Variants in NFIB observed in about 807,000 individuals in gnomAD.
NFIB encodes the protein nuclear factor I B, also known as nuclear factor 1 B-type.
NFIB carries 11 observed loss-of-function variants against 61.5 expected under a neutral mutation model. The ratio of observed to expected loss-of-function variants is 0.18; its 90% confidence interval spans 0.11 to 0.30. The LOEUF is 0.30. Ranked by LOEUF, NFIB falls within the 10% of genes least tolerant of loss-of-function variation. The pLI, the probability that NFIB is intolerant of heterozygous loss-of-function variation, is 1.00. For synonymous variants in NFIB, 260 were observed against 216.5 expected (o/e 1.20, Z -1.76); for missense variants, 471 against 608.9 (o/e 0.77, Z 2.38).
intron 1 of NFIB, among the ~76,000 whole-genome samples, chr9:14,341,357 C>T (rs1470924239): frequency 6.6e-6 from 1 of 152,182 alleles, no homozygotes; most frequent in African/African-American, 2.4e-5. Flanking sequence ...GGATGGACAG[C>T]TCTCTTTGTA....
chr9:14,327,187 A>G (rs1308343556), intron 1 of NFIB, among the ~76,000 whole-genome samples: 1 of 152,196 alleles, frequency 6.6e-6, no homozygotes, highest in Non-Finnish European at 1.5e-5. Context: ...AAAGCGCTAG[A>G]CAGTCTACTG....
chr9:14,392,606 T>C (rs2061637628), intron 1 of NFIB, among the ~76,000 whole-genome samples: 1 of 151,968 alleles, frequency 6.6e-6, no homozygotes, highest in Non-Finnish European at 1.5e-5. Flanking sequence ...TGCACACCTG[T>C]AGTCCCAGCT....
intron 1 of NFIB, among the ~76,000 whole-genome samples, chr9:14,308,325 A>AACACAC (rs71321976): frequency 3.0e-4 from 45 of 150,938 alleles, no homozygotes; most frequent in African/African-American, 9.7e-4. Flanking sequence ...GCCAGCTCCC[A>AACACAC]ACACACACAC....
At chr9:14,484,588 G>A in the NFIB span, among the ~76,000 whole-genome samples, 2 of 152,182 alleles carry the variant, frequency 1.3e-5, no homozygotes, top group Non-Finnish European at 2.9e-5. Flanking sequence ...ACATAGGTAT[G>A]TGTGAATTCA....
intron 1 of NFIB, among the ~76,000 whole-genome samples, chr9:14,390,159 C>T (rs1483092857): frequency 1.3e-5 from 2 of 152,060 alleles, no homozygotes; most frequent in Non-Finnish European, 2.9e-5. Flanking sequence ...CAGACTGATG[C>T]CCCCAAAGGA....
the NFIB span, among the ~76,000 whole-genome samples, chr9:14,413,300 T>A: frequency 6.6e-6 from 1 of 152,122 alleles, no homozygotes; most frequent in Non-Finnish European, 1.5e-5. Context: ...AACTTCTACT[T>A]ACTTTTTCTG....
chr9:14,398,693 AG>A, exon 1 of NFIB: 1 of 1,225,360 alleles, frequency 8.2e-7, no homozygotes, highest in Middle Eastern at 1.9e-4. Context: ...GCGCTGTTTT[AG>A]AATGTTTGCT....
chr9:14,135,919 A>C (rs938423652), intron 6 of NFIB, among the ~76,000 whole-genome samples: 7 of 152,180 alleles, frequency 4.6e-5, no homozygotes, highest in Non-Finnish European at 7.4e-5. Flanking sequence ...ATTCCTCAGT[A>C]AAGTAAAATC....
intron 10 of NFIB, among the ~76,000 whole-genome samples, chr9:14,106,244 A>C (rs1390795039): frequency 6.6e-6 from 1 of 152,048 alleles, no homozygotes; most frequent in Non-Finnish European, 1.5e-5. Flanking sequence ...AACAATATAG[A>C]CTCTCAAAAA....
intron 2 of NFIB, among the ~76,000 whole-genome samples, chr9:14,256,906 G>C (rs2056270841): frequency 6.6e-6 from 1 of 152,166 alleles, no homozygotes. Flanking sequence ...AGTTTGACCT[G>C]GCTTTGTCAC....
intron 2 of NFIB, among the ~76,000 whole-genome samples, chr9:14,305,515 T>C (rs767987447): frequency 3.9e-5 from 6 of 152,218 alleles, no homozygotes; most frequent in Non-Finnish European, 5.9e-5. Flanking sequence ...AAATATTATT[T>C]TCCCCAAACC....
intron 10 of NFIB, chr9:14,102,605 A>C: frequency 1.3e-6 from 1 of 793,426 alleles, no homozygotes; most frequent in Non-Finnish European, 1.8e-6. Context: ...TGTACATGGC[A>C]TTAACCTTAC....
intron 6 of NFIB, among the ~76,000 whole-genome samples, chr9:14,130,670 G>C (rs1160386974): frequency 6.6e-6 from 1 of 151,810 alleles, no homozygotes; most frequent in African/African-American, 2.4e-5. Context: ...TATGCTACTT[G>C]GGAAGAGAAT....
chr9:14,406,425 C>T, the NFIB span, among the ~76,000 whole-genome samples: 1 of 152,176 alleles, frequency 6.6e-6, no homozygotes, highest in Non-Finnish European at 1.5e-5. Context: ...CATGGTGAGC[C>T]ATGAATCTGG....
chr9:14,301,467 T>C (rs2059747615), intron 2 of NFIB, among the ~76,000 whole-genome samples: 1 of 152,160 alleles, frequency 6.6e-6, no homozygotes, highest in Non-Finnish European at 1.5e-5. Context: ...ATGCTGTCAG[T>C]AGAATATTTT....
At chr9:14,347,586 G>GA (rs1564023007) in intron 1 of NFIB, among the ~76,000 whole-genome samples, 2 of 149,658 alleles carry the variant, frequency 1.3e-5, no homozygotes, top group Non-Finnish European at 3.0e-5. Context: ...GCGATTGGGA[G>GA]AGGGGAGAAG....
chr9:14,483,703 G>C, the NFIB span, among the ~76,000 whole-genome samples: 2 of 152,226 alleles, frequency 1.3e-5, no homozygotes, highest in African/African-American at 2.4e-5. Context: ...GAATCTCTAA[G>C]AGTAGCACTA....
chr9:14,480,112 G>A, the NFIB span, among the ~76,000 whole-genome samples: 1 of 151,676 alleles, frequency 6.6e-6, no homozygotes, highest in Non-Finnish European at 1.5e-5. Flanking sequence ...CTTCCTTGGA[G>A]CATATTTTAT....
chr9:14,210,919 AC>A (rs2050241223), intron 2 of NFIB, among the ~76,000 whole-genome samples: 1 of 152,144 alleles, frequency 6.6e-6, no homozygotes, highest in South Asian at 2.1e-4. Context: ...CTGGGAAGTT[AC>A]TCACCTTTGA....
Sources: allele counts gnomAD v4.1 joint callset (sites outside exome capture counted in the v4.1 genomes callset), GRCh38; gene constraint gnomAD v4.1.1; transcripts MANE v1.5; gene names NCBI Gene and HGNC (gene_info 2026-07-23, HGNC 2026-07-21).